The following DENND5A variants were observed in gnomAD, a reference collection of about 807,000 sequenced individuals.
DENND5A encodes DENN domain containing 5A.
In DENND5A, 64 loss-of-function variants were observed where a neutral mutation model predicts 140.3. That is an observed-to-expected ratio of 0.46 (90% CI 0.37 to 0.56). The LOEUF is 0.56. DENND5A is among the 20% of genes least tolerant of loss of function. The probability of loss-of-function intolerance (pLI) is 0.00; values close to 1 mark genes in which losing one functional copy is unlikely to be tolerated. For synonymous variants in DENND5A, 605 were observed against 607.7 expected, an observed-to-expected ratio of 1.00 and a Z score of 0.07; for missense variants, 1,292 against 1,593.8, an observed-to-expected ratio of 0.81 and a Z score of 3.22.
Position 9,236,815 on chromosome 11 carries a change from T to C in DENND5A, c.109+28146A>G, listed in dbSNP as rs145672511. On this transcript the variant is annotated intron_variant, in intron 1 of 22. Transcript: ENST00000328194. ...CAGGCAGGCAAAGGATACAAAATTG[T>C]ATTTCTCTGATGATCCCAATTTTAT... Among the ~76,000 whole-genome samples, 573 of 152,260 alleles carry C rather than the reference T, an allele frequency of 3.8e-3. 6 individuals are homozygous for C. Among genetic ancestry groups the C allele is most frequent in the African/African-American group, 0.013 (553 of 41,566 alleles).
intron 1 of DENND5A, among the ~76,000 whole-genome samples, chr11:9,218,465 C>G (rs1359310818): frequency 6.6e-6 from 1 of 152,162 alleles, no homozygotes; most frequent in Non-Finnish European, 1.5e-5. Context: ...AGGCGGGATG[C>G]AGTGGCTCCC....
chr11:9,139,939 C>T (rs1847181920), intron 22 of DENND5A, 85 bp from the exon 23 acceptor site: 3 of 1,365,480 alleles, frequency 2.2e-6, no homozygotes, highest in Middle Eastern at 4.6e-4. Flanking sequence ...AGGGGGAAAC[C>T]ATGAACTAAG....
Position 9,152,387 on chromosome 11 carries a change from T to C in DENND5A, c.2492A>G (p.Lys831Arg), listed in dbSNP as rs1181929195. ...LLHYQDNRQR[K>R]LTSGSLSTSG... is the part of the protein sequence containing the mutation. ...GGTACTGAGGCTTCCTGATGTGAGT[T>C]TTCTCTGCCGGTTGTCCTGATAATG... is the stretch of plus-strand genomic sequence containing the variant. Residue 831 changes from lysine to arginine, a missense_variant, in exon 13 of 23, where the codon AAA becomes AGA. Physicochemically the swap from Lys to Arg is conservative, Grantham distance 26 (BLOSUM62 2). This residue lies in a region of DENND5A where 498 missense variants were observed against 689.7 expected (regional missense o/e 0.72). Transcript: ENST00000328194. 1.2e-6 allele frequency: 2 copies of C among 1,613,780 alleles called. No homozygotes were observed. The highest frequency in any genetic ancestry group is 1.7e-6 in the Non-Finnish European group (2 of 1,179,784).
chr11:9,155,245 T>G (rs1847765772), intron 12 of DENND5A, among the ~76,000 whole-genome samples: 1 of 152,104 alleles, frequency 6.6e-6, no homozygotes, highest in Non-Finnish European at 1.5e-5. Context: ...TAGAAATCCA[T>G]TCATCCTTCC....
intron 1 of DENND5A, among the ~76,000 whole-genome samples, chr11:9,211,949 A>C (rs1233906266): frequency 6.9e-6 from 1 of 145,366 alleles, no homozygotes; most frequent in African/African-American, 2.6e-5. Flanking sequence ...AAAAAAAAAA[A>C]CAGATCTCAA....
intron 12 of DENND5A, among the ~76,000 whole-genome samples, chr11:9,155,796 T>A (rs112077942): frequency 3.3e-5 from 5 of 152,352 alleles, no homozygotes; most frequent in African/African-American, 1.2e-4. Flanking sequence ...TGGAAGCCCA[T>A]CTCCTTGGAA....
chr11:9,174,056 T>A (rs1848463260), intron 8 of DENND5A, among the ~76,000 whole-genome samples: 1 of 123,334 alleles, frequency 8.1e-6, no homozygotes, highest in South Asian at 2.5e-4. Context: ...TGAGCCTAGA[T>A]CTCGCCACTG....
At chr11:9,140,384 G>T (rs1156408505) in intron 22 of DENND5A, 1 of 413,060 alleles carries the variant, frequency 2.4e-6, no homozygotes, top group Non-Finnish European at 4.6e-6. Flanking sequence ...AGTGAATGCG[G>T]TTCTGGAGTC....
intron 9 of DENND5A, 100 bp from the exon 10 acceptor site, chr11:9,170,049 G>T: frequency 1.1e-6 from 1 of 951,466 alleles, no homozygotes; most frequent in Non-Finnish European, 1.7e-6. Flanking sequence ...GTCAATGCTG[G>T]ACACAGGAAA....
At position 9,147,031 on chromosome 11, in the gene DENND5A, G is replaced by A; in HGVS notation, c.2856C>T (p.Ile952=). 6.2e-7 allele frequency: 1 copy of A among 1,614,196 alleles called. No homozygotes were observed. The highest frequency in any genetic ancestry group is 2.2e-5 in the East Asian group (1 of 44,890). ...AGCTGGGAGCACAGGGCTACTCACG[G>A]ATAGTTGTGAAGACATTGGTGAAGC... is the stretch of plus-strand genomic sequence containing the variant. ...YFCFTNVFTT[I]LIPYHILIVP... is the part of the protein sequence containing the mutation. Residue 952 remains isoleucine (I), a splice_region_variant and synonymous_variant, in exon 16 of 23, where the codon ATC becomes ATT. Coordinates refer to ENST00000328194, the MANE Select transcript of DENND5A (RefSeq NM_015213.4).
rs192491029 is a variant in DENND5A, at chr11:9,249,537, T to A, written c.109+15424A>T. On this transcript the variant is annotated intron_variant, in intron 1 of 22. Transcript: ENST00000328194. ...CACTGGGCTCATTTTTATATTTTTT[T>A]ATTTTATTGTATTTTATTGTATTTT... is the stretch of plus-strand genomic sequence containing the variant. Among the ~76,000 whole-genome samples, 266 of 152,026 alleles carry A rather than the reference T, an allele frequency of 1.7e-3. 2 individuals carry two copies. Among genetic ancestry groups the A allele is most frequent in the Middle Eastern group, 3.4e-3 (1 of 294 alleles).
At chr11:9,152,312 G>C in intron 13 of DENND5A, 46 bp downstream of exon 13, 1 of 1,395,964 alleles carries the variant, frequency 7.2e-7, no homozygotes, top group Non-Finnish European at 1.0e-6. Context: ...GTGGGTGATG[G>C]AAAAGTGGAG....
Position 9,139,759 on chromosome 11 carries a change from A to T in DENND5A, c.3776T>A (p.Leu1259His). Residue 1259 changes from leucine (L) to histidine (H), a missense_variant, in exon 23 of 23, where the codon CTT (leucine) becomes CAT (histidine). Physicochemically the swap from Leu to His is moderately conservative, Grantham distance 99 (BLOSUM62 -3). This residue lies in a region of DENND5A where 498 missense variants were observed against 689.7 expected (regional missense o/e 0.72). Coordinates refer to ENST00000328194, the MANE Select transcript of DENND5A (RefSeq NM_015213.4). ...CAGCACACGAATCAAGGAATTGACA[A>T]GTGTATGGTCTTTGATCAGTGCCAC... ...EDVALIKDHT[L>H]VNSLIRVLQT... 6.2e-7 allele frequency: 1 copy of T among 1,614,118 alleles called. No individual in the cohort carries two copies.
intron 20 of DENND5A, chr11:9,143,114 T>C (rs965133031): frequency 2.2e-5 from 13 of 588,482 alleles, no homozygotes; most frequent in Non-Finnish European, 3.6e-5. Context: ...TGGCCACTAT[T>C]CAAGGAGACC....
chr11:9,187,540 T>C (rs1422277806), intron 5 of DENND5A, among the ~76,000 whole-genome samples: 2 of 152,106 alleles, frequency 1.3e-5, no homozygotes, highest in East Asian at 3.8e-4. Context: ...GTTTCTCCAG[T>C]CTATCCTCAT....
At position 9,153,448 on chromosome 11, in the gene DENND5A, T is replaced by C. The variant is rs530869786; in HGVS notation, c.2437-1006A>G. On this transcript the variant is annotated intron_variant, in intron 12 of 22. Coordinates refer to ENST00000328194, the MANE Select transcript of DENND5A (RefSeq NM_015213.4). Reference sequence around the variant, plus strand: ...GATGGCTTTTGCACAGAGGAGTGGATATCCAGCCTATAAGCTTCCATCTTA... The same window carrying C: ...GATGGCTTTTGCACAGAGGAGTGGACATCCAGCCTATAAGCTTCCATCTTA... Among the ~76,000 whole-genome samples the C allele has an allele frequency of 2.0e-5, 3 of 151,382 alleles. No individual in the cohort carries two copies. In the South Asian group the frequency reaches 6.2e-4, roughly 32 times the overall value.
chr11:9,203,701 G>T lies in DENND5A; in HGVS notation c.908C>A (p.Thr303Asn), dbSNP rs751969213. The T allele has an allele frequency of 6.2e-7, 1 of 1,614,086 alleles. No individual in the cohort carries two copies. The highest frequency in any genetic ancestry group is 1.7e-5 in the Admixed American group (1 of 60,020). The part of the protein sequence containing the change: ...LGVENVFQLF[T>N]CALLEFQILL... The stretch of plus-strand genomic sequence containing the variant: ...GATTTGAAACTCCAGAAGGGCACAA[G>T]TAAAAAGCTGAAACACATTCTCCAC... Residue 303 changes from threonine to asparagine, a missense_variant, in exon 4 of 23, where the codon ACT becomes AAT. Thr to Asn is a moderately conservative substitution (Grantham distance 65). Around this residue, in one of 4 missense-constraint regions of DENND5A, gnomAD observed 566 missense variants for 650.4 expected, o/e 0.87. Coordinates refer to ENST00000328194, the MANE Select transcript of DENND5A (RefSeq NM_015213.4).
In DENND5A at chr11:9,217,969, A is replaced by G. The variant is rs11042226; in HGVS notation, c.110-10337T>C. Among the ~76,000 whole-genome samples the G allele has an allele frequency of 7.4e-3, 1,133 of 152,372 alleles. 21 individuals are homozygous for G. Among genetic ancestry groups the G allele is most frequent in the African/African-American group, 0.026 (1,082 of 41,590 alleles). ...AGACTGTTGTTTTAAAAGAATATTC[A>G]GAAAATAAAACAAGGCTGGGCAGTG... On this transcript the variant is annotated intron_variant, in intron 1 of 22. Coordinates refer to ENST00000328194, the MANE Select transcript of DENND5A (RefSeq NM_015213.4).
chr11:9,141,203 A>G (rs1847226361), intron 22 of DENND5A, among the ~76,000 whole-genome samples: 1 of 152,206 alleles, frequency 6.6e-6, no homozygotes, highest in Non-Finnish European at 1.5e-5. Context: ...AACTTCCATA[A>G]GGCCATTTAA....
Sources: gnomAD v4.1 joint callset for allele counts (sites outside exome capture counted in the v4.1 genomes callset) on GRCh38, gnomAD v4.1.1 for gene constraint, gnomAD v4.1.1 regional missense constraint, MANE v1.5 for transcripts, NCBI Gene and HGNC (gene_info 2026-07-23, HGNC 2026-07-21) for gene names.